The following ADAMTS3 variants were observed in gnomAD, a reference collection of about 807,000 sequenced individuals.
ADAMTS3 encodes A disintegrin and metalloproteinase with thrombospondin motifs 3.
ADAMTS3 carries 73 observed loss-of-function variants against 129.0 expected under a neutral mutation model. The observed-to-expected ratio is 0.57, with a 90% CI of 0.47 to 0.69. The LOEUF (loss-of-function observed/expected upper bound fraction) is 0.69. Ranked by LOEUF, ADAMTS3 falls within the 30% of genes least tolerant of loss-of-function variation. ADAMTS3 has a pLI of 0.00. For missense variants in ADAMTS3, 1,457 were observed against 1,514.5 expected (o/e 0.96, Z 0.63); for synonymous variants, 477 against 510.8 (o/e 0.93, Z 0.89).
intron 17 of ADAMTS3, among the ~76,000 whole-genome samples, chr4:72,299,911 T>A (rs925226296): frequency 2.5e-4 from 38 of 152,130 alleles, no homozygotes; most frequent in African/African-American, 7.2e-4. Flanking sequence ...TTAATTTTGT[T>A]CAGGGCAAAG....
intron 3 of ADAMTS3, among the ~76,000 whole-genome samples, chr4:72,433,976 G>A (rs1314317617): frequency 6.6e-6 from 1 of 151,672 alleles, no homozygotes; most frequent in East Asian, 2.0e-4. Context: ...AGACTACCGA[G>A]GTTGGTGAAA....
intron 4 of ADAMTS3, among the ~76,000 whole-genome samples, chr4:72,379,628 A>G (rs2109877343): frequency 6.6e-6 from 1 of 152,234 alleles, no homozygotes; most frequent in East Asian, 1.9e-4. Flanking sequence ...ATTGGATTCA[A>G]GTTTTGCATA....
chr4:72,490,597 T>C (rs1719714243), intron 3 of ADAMTS3, among the ~76,000 whole-genome samples: 1 of 151,986 alleles, frequency 6.6e-6, no homozygotes, highest in South Asian at 2.1e-4. Context: ...CACCATTTAT[T>C]GGACATTGTC....
chr4:72,550,035 A>G lies in ADAMTS3; in HGVS notation c.98-1151T>C, dbSNP rs1335078652. Reference sequence around the variant, plus strand: ...GAAGAAGAAGAAGAAGAAGAAGAAGAAGAAGAAGAGGAAGAGGAAGAGGAA... The same window carrying G: ...GAAGAAGAAGAAGAAGAAGAAGAAGGAGAAGAAGAGGAAGAGGAAGAGGAA... On this transcript the variant is annotated intron_variant, in intron 2 of 21. Coordinates refer to ENST00000286657, the MANE Select transcript of ADAMTS3 (RefSeq NM_014243.3). 1.2e-3 allele frequency among the ~76,000 whole-genome samples: 13 copies of G among 11,206 alleles called. 1 individual carries two copies. Among genetic ancestry groups the G allele is most frequent in the African/African-American group, 5.0e-3 (13 of 2,590 alleles). The allele number at this position is 11,206 out of a possible 152,430, so 7.4% of individuals were successfully genotyped here. A position where few individuals can be genotyped will look rare whatever the true frequency, so the allele number is the denominator to read the frequency against.
At chr4:72,382,536 C>A (rs977148770) in intron 4 of ADAMTS3, among the ~76,000 whole-genome samples, 1 of 152,044 alleles carries the variant, frequency 6.6e-6, no homozygotes, top group Non-Finnish European at 1.5e-5. Context: ...TACTGGGTAT[C>A]TACCCAAAGG....
chr4:72,395,755 A>C (rs891654997), intron 4 of ADAMTS3, among the ~76,000 whole-genome samples: 3 of 152,152 alleles, frequency 2.0e-5, no homozygotes, highest in African/African-American at 7.2e-5. Context: ...TAGCTCCATG[A>C]AAGTTCTACA....
intron 4 of ADAMTS3, among the ~76,000 whole-genome samples, chr4:72,378,772 A>G (rs1721201721): frequency 6.6e-6 from 1 of 152,150 alleles, no homozygotes; most frequent in Non-Finnish European, 1.5e-5. Flanking sequence ...GCTAATTTAC[A>G]GTCTTGTAGG....
chr4:72,357,905 T>G (rs1720623222), intron 4 of ADAMTS3, among the ~76,000 whole-genome samples: 1 of 151,976 alleles, frequency 6.6e-6, no homozygotes, highest in African/African-American at 2.4e-5. Context: ...GATAGAAATA[T>G]GACTTTGTAG....
At chr4:72,530,674 A>ATATATAATATTATATATATTATATAATAT (rs1491471193) in intron 3 of ADAMTS3, among the ~76,000 whole-genome samples, 1 of 49,180 alleles carries the variant, frequency 2.0e-5, no homozygotes, top group East Asian at 1.1e-3. Flanking sequence ...TATAATATAT[A>ATATATAATATTATATATATTATATAATAT]ATATGTATAA....
intron 10 of ADAMTS3, among the ~76,000 whole-genome samples, chr4:72,317,719 C>T (rs948652861): frequency 1.3e-5 from 2 of 152,002 alleles, no homozygotes; most frequent in African/African-American, 2.4e-5. Flanking sequence ...AAATACGGTG[C>T]CCAAGTTTAT....
rs746934862 is a variant in ADAMTS3, at chr4:72,315,980, T to A, written c.1486-9A>T. On this transcript the variant is annotated splice_polypyrimidine_tract_variant and intron_variant, in intron 10 of 21. Coordinates refer to ENST00000286657, the MANE Select transcript of ADAMTS3 (RefSeq NM_014243.3). ...GGGTCAAAGGTTCGGAACTGGAAGA[T>A]AGATAATCAAATTGTCAGTGAACTC... The A allele has an allele frequency of 1.3e-6, 2 of 1,561,598 alleles. No homozygotes were observed. The highest frequency in any genetic ancestry group is 2.7e-5 in the African/African-American group (2 of 73,310).
chr4:72,388,241 C>T (rs1240792736), intron 4 of ADAMTS3, among the ~76,000 whole-genome samples: 1 of 152,216 alleles, frequency 6.6e-6, no homozygotes, highest in Non-Finnish European at 1.5e-5. Flanking sequence ...ACCTCAGGTC[C>T]TCATCTGGCA....
chr4:72,506,999 G>A (rs1010072474), intron 3 of ADAMTS3, among the ~76,000 whole-genome samples: 90 of 152,228 alleles, frequency 5.9e-4, no homozygotes, highest in African/African-American at 2.1e-3. Context: ...TTTGAGGGGA[G>A]AAAAGAAGAC....
intron 3 of ADAMTS3, among the ~76,000 whole-genome samples, chr4:72,436,696 G>A (rs995512844): frequency 1.3e-5 from 2 of 152,100 alleles, no homozygotes; most frequent in Admixed American, 6.6e-5. Context: ...ATGAGTTCAT[G>A]TCCTTTATAG....
chr4:72,324,072 G>A (rs890040916), intron 5 of ADAMTS3, among the ~76,000 whole-genome samples: 2 of 152,086 alleles, frequency 1.3e-5, no homozygotes, highest in South Asian at 2.1e-4. Flanking sequence ...ATGAAGACTC[G>A]ACACTTGTTA....
chr4:72,367,318 T>C (rs1299974554), intron 4 of ADAMTS3, among the ~76,000 whole-genome samples: 1 of 152,170 alleles, frequency 6.6e-6, no homozygotes, highest in African/African-American at 2.4e-5. Flanking sequence ...GCTTACTATC[T>C]ATACTGCTTG....
chr4:72,485,205 C>T (rs1488812899), intron 3 of ADAMTS3, among the ~76,000 whole-genome samples: 1 of 152,028 alleles, frequency 6.6e-6, no homozygotes, highest in Non-Finnish European at 1.5e-5. Flanking sequence ...TGAAATATTC[C>T]AGAATTTATC....
At chr4:72,296,678 T>A (rs1003113390) in intron 18 of ADAMTS3, among the ~76,000 whole-genome samples, 6 of 152,074 alleles carry the variant, frequency 3.9e-5, no homozygotes, top group Admixed American at 2.0e-4. Flanking sequence ...CAGCACAGAT[T>A]TCAGAAGTAC....
intron 3 of ADAMTS3, among the ~76,000 whole-genome samples, chr4:72,530,463 ATATATT>A (rs374258624): frequency 4.4e-5 from 4 of 90,398 alleles, no homozygotes; most frequent in South Asian, 7.2e-4. Flanking sequence ...TATATATTAA[ATATATT>A]AATTTAATAT....
Sources: allele counts gnomAD v4.1 joint callset (sites outside exome capture counted in the v4.1 genomes callset), GRCh38; gene constraint gnomAD v4.1.1; transcripts MANE v1.5; gene names NCBI Gene and HGNC (gene_info 2026-07-23, HGNC 2026-07-21).